The following ARSG variants were observed in gnomAD, a reference collection of about 807,000 sequenced individuals.
ARSG encodes ASG.
A neutral mutation model predicts 50.5 loss-of-function variants in ARSG; 37 were observed. The ratio of observed to expected loss-of-function variants is 0.73; its 90% CI spans 0.56 to 0.96. ARSG has a LOEUF of 0.96. Ranked by LOEUF, ARSG falls within the 50% of genes least tolerant of loss-of-function variation. ARSG has a pLI of 0.00. For synonymous variants in ARSG, 225 were observed against 254.6 expected (o/e 0.88, Z 1.11); for missense variants, 629 against 675.3 (o/e 0.93, Z 0.76).
At chr17:68,373,932 C>T (rs1266461129) in intron 8 of ARSG, among the ~76,000 whole-genome samples, 3 of 151,474 alleles carry the variant, frequency 2.0e-5, no homozygotes, top group East Asian at 1.9e-4. Flanking sequence ...CCGAGGCGGG[C>T]GGATCATGAG....
Position 68,272,585 on chromosome 17 carries a change from C to A in ARSG, c.-552+13159C>A, listed in dbSNP as rs2075376638. ...GGCAAAAGTTAGCGTAGCAAGAATA[C>A]CTGAGTGACGTCTCTCATCCACATT... is the stretch of plus-strand genomic sequence containing the variant. On this transcript the variant is annotated intron_variant, in intron 1 of 11. Transcript: ENST00000448504. 3 of 1,593,898 alleles carry A rather than the reference C, an allele frequency of 1.9e-6. No individual in the cohort carries two copies. The Admixed American group carries it at 5.1e-5, about 27-fold the overall frequency.
At chr17:68,427,122 C>T (rs749189899), downstream of ARSG, 32 of 1,608,498 alleles carry the variant, frequency 2.0e-5, no homozygotes, top group African/African-American at 2.7e-5. Flanking sequence ...CTGTTGGCCC[C>T]GTGTCCACCC....
At chr17:68,448,384 T>G in the ARSG span, 9 of 152,238 alleles carry the variant, frequency 5.9e-5, no homozygotes, top group Admixed American at 2.0e-4. Context: ...GAACCGATGC[T>G]CATCTTGGTT....
rs751459660 is a variant in ARSG, at chr17:68,420,383, A to T, written c.1498A>T (p.Ser500Cys). The T allele has an allele frequency of 4.3e-6, 7 of 1,614,156 alleles. No individual in the cohort carries two copies. The South Asian group carries it at 7.7e-5, about 18-fold the overall frequency. Residue 500 changes from serine (S) to cysteine (C), a missense_variant, in exon 12 of 12, where the codon AGC becomes TGC. Ser to Cys is a moderately radical substitution (Grantham distance 112, BLOSUM62 -1). Transcript: ENST00000621439. The part of the protein sequence containing the change: ...LQDIANDNIS[S>C]ADYTQDPSVT... Reference sequence around the variant, plus strand: ...AGACATTGCCAACGACAACATCTCCAGCGCAGATTACACTCAGGACCCTTC... The same window carrying T: ...AGACATTGCCAACGACAACATCTCCTGCGCAGATTACACTCAGGACCCTTC...
the ARSG span, among the ~76,000 whole-genome samples, chr17:68,438,486 G>A: frequency 6.6e-6 from 1 of 152,314 alleles, no homozygotes; most frequent in Admixed American, 6.5e-5. Context: ...CCAAAGAGGC[G>A]GCTGGCAGAA....
intron 2 of ARSG, among the ~76,000 whole-genome samples, chr17:68,327,460 C>A (rs1317753744): frequency 6.6e-6 from 1 of 152,182 alleles, no homozygotes; most frequent in African/African-American, 2.4e-5. Context: ...TAGCTCCAGG[C>A]ATTCCTTGGC....
chr17:68,440,270 G>A, the ARSG span, among the ~76,000 whole-genome samples: 1 of 152,178 alleles, frequency 6.6e-6, no homozygotes, highest in Admixed American at 6.5e-5. Flanking sequence ...TGGCCCAAGT[G>A]TCAGAAAAAT....
At chr17:68,272,561 G>A in intron 1 of ARSG, 2 of 1,541,310 alleles carry the variant, frequency 1.3e-6, no homozygotes, top group Non-Finnish European at 1.8e-6. Context: ...CATACTGTTG[G>A]CAAAAGTTAG....
At chr17:68,416,820 T>G (rs780686296) in intron 11 of ARSG, among the ~76,000 whole-genome samples, 1 of 152,226 alleles carries the variant, frequency 6.6e-6, no homozygotes, top group Non-Finnish European at 1.5e-5. Context: ...CCTGATGTTT[T>G]AACTGTTTTT....
At chr17:68,272,437 CTAT>C (rs1467476902) in intron 1 of ARSG, among the ~76,000 whole-genome samples, 1 of 152,124 alleles carries the variant, frequency 6.6e-6, no homozygotes, top group African/African-American at 2.4e-5. Context: ...GAATTGAAAC[CTAT>C]TATTAAGGTG....
chr17:68,270,367 A>G (rs2075296242), intron 1 of ARSG, among the ~76,000 whole-genome samples: 1 of 152,102 alleles, frequency 6.6e-6, no homozygotes, highest in South Asian at 2.1e-4. Flanking sequence ...CATCCTGGCC[A>G]ACATGGTGAA....
the ARSG span, among the ~76,000 whole-genome samples, chr17:68,439,552 T>G: frequency 6.6e-6 from 1 of 152,222 alleles, no homozygotes; most frequent in Non-Finnish European, 1.5e-5. Flanking sequence ...ATTGTGGTGA[T>G]GGTTACACAA....
intron 1 of ARSG, among the ~76,000 whole-genome samples, chr17:68,291,871 AG>A (rs1555756260): frequency 2.6e-5 from 4 of 151,388 alleles, no homozygotes; most frequent in Non-Finnish European, 5.9e-5. Flanking sequence ...TTTAGCGGCG[AG>A]GGGGAACACG....
At chr17:68,362,189 G>T (rs1399912745) in intron 6 of ARSG, among the ~76,000 whole-genome samples, 2 of 151,614 alleles carry the variant, frequency 1.3e-5, no homozygotes, top group Admixed American at 6.6e-5. Flanking sequence ...TTCATTGCTG[G>T]CCCCCATGCT....
At chr17:68,337,714 T>G (rs1714403863) in intron 2 of ARSG, among the ~76,000 whole-genome samples, 1 of 152,134 alleles carries the variant, frequency 6.6e-6, no homozygotes, top group Admixed American at 6.5e-5. Context: ...GTCCCCTGGA[T>G]TCCAGTGATT....
At chr17:68,306,061 G>A (rs927932663) in intron 1 of ARSG, among the ~76,000 whole-genome samples, 2 of 151,556 alleles carry the variant, frequency 1.3e-5, no homozygotes, top group South Asian at 2.1e-4. Context: ...GGAGTGCAGT[G>A]GTGCGATCTC....
chr17:68,273,011 C>CT (rs1555749584), intron 1 of ARSG, among the ~76,000 whole-genome samples: 4 of 150,988 alleles, frequency 2.6e-5, no homozygotes, highest in Admixed American at 6.6e-5. Context: ...CTTTGCAACA[C>CT]TTTTTTTCAA....
intron 1 of ARSG, among the ~76,000 whole-genome samples, chr17:68,265,611 T>G (rs2075143073): frequency 6.6e-6 from 1 of 152,218 alleles, no homozygotes. Context: ...AGGATGTTAG[T>G]TCTCAGAGCT....
intron 8 of ARSG, among the ~76,000 whole-genome samples, chr17:68,371,566 T>C (rs2079848561): frequency 6.6e-6 from 1 of 152,188 alleles, no homozygotes; most frequent in Non-Finnish European, 1.5e-5. Context: ...TGCAGCCATG[T>C]TGGGGACAAT....
Sources: allele counts gnomAD v4.1 joint callset (sites outside exome capture counted in the v4.1 genomes callset), GRCh38; gene constraint gnomAD v4.1.1; transcripts MANE v1.5; gene names NCBI Gene and HGNC (gene_info 2026-07-23, HGNC 2026-07-21).